Variants in COL21A1 observed in about 807,000 individuals in gnomAD.
COL21A1 encodes collagen alpha-1(XXI) chain.
In COL21A1, 149 loss-of-function variants were observed where a neutral mutation model predicts 137.9. The ratio of observed to expected loss-of-function variants is 1.08; its 90% CI spans 0.95 to 1.24. The LOEUF is 1.24. COL21A1 is among the 50% of genes most tolerant of loss of function. The pLI is 0.00. For missense variants in COL21A1, 1,167 were observed against 1,158.4 expected, an observed-to-expected ratio of 1.01 and a Z score of -0.11; for synonymous variants, 456 against 391.5, an observed-to-expected ratio of 1.16 and a Z score of -1.95.
chr6:56,278,182 T>A (rs1406420881), intron 1 of COL21A1, among the ~76,000 whole-genome samples: 1 of 152,018 alleles, frequency 6.6e-6, no homozygotes, highest in East Asian at 1.9e-4. Context: ...CCATAAGAAT[T>A]CTTACCACCA....
chr6:56,377,879 C>G (rs927368411), intron 1 of COL21A1, among the ~76,000 whole-genome samples: 1 of 152,146 alleles, frequency 6.6e-6, no homozygotes, highest in African/African-American at 2.4e-5. Flanking sequence ...CTGGATACCG[C>G]CAGCCACAGC....
rs188978914 is a variant in COL21A1, at chr6:56,294,227, G to A, written c.-39+99744C>T. Among the ~76,000 whole-genome samples, 535 of 152,158 alleles carry A rather than the reference G, an allele frequency of 3.5e-3. 14 individuals carry two copies. The highest frequency in any genetic ancestry group is 0.03 in the Admixed American group (453 of 15,282). ...TAAGTAGCAAATCTCTACTGCCTTT[G>A]TGAATTTATTGCATTGTGTGAGGGC... On this transcript the variant is annotated intron_variant, in intron 1 of 28. Transcript: ENST00000370819.
intron 17 of COL21A1, among the ~76,000 whole-genome samples, chr6:56,098,540 A>T (rs371274247): frequency 9.6e-4 from 9 of 9,348 alleles, no homozygotes; most frequent in African/African-American, 4.7e-3. Flanking sequence ...TATATATATA[A>T]ATATATAAAT....
chr6:56,180,230 C>T (rs1777795728), intron 2 of COL21A1, 101 bp from the exon 3 acceptor site: 1 of 871,306 alleles, frequency 1.1e-6, no homozygotes, highest in Admixed American at 3.1e-5. Flanking sequence ...AATATCATTG[C>T]TTATTTTAAA....
chr6:56,226,651 T>C (rs1386266257), intron 1 of COL21A1, among the ~76,000 whole-genome samples: 1 of 152,014 alleles, frequency 6.6e-6, no homozygotes, highest in East Asian at 1.9e-4. Context: ...TTTCCTAACT[T>C]AATTTATCTT....
intron 1 of COL21A1, among the ~76,000 whole-genome samples, chr6:56,298,228 T>G (rs55844837): frequency 0.083 from 12,548 of 152,068 alleles, 570 homozygotes; most frequent in Middle Eastern, 0.14. Context: ...AGAGGTGATG[T>G]TGACTAGAAT....
chr6:56,327,177 T>C (rs1273228579), intron 1 of COL21A1, among the ~76,000 whole-genome samples: 1 of 151,944 alleles, frequency 6.6e-6, no homozygotes, highest in Non-Finnish European at 1.5e-5. Context: ...ATTTTTTAAA[T>C]TCAACAACTT....
intron 20 of COL21A1, 114 bp downstream of exon 20, chr6:56,074,118 A>G: frequency 1.5e-6 from 1 of 666,862 alleles, no homozygotes; most frequent in Non-Finnish European, 2.4e-6. Flanking sequence ...TTTTTCATAG[A>G]ATAAAAACCA....
intron 1 of COL21A1, among the ~76,000 whole-genome samples, chr6:56,353,780 AC>A (rs1450366503): frequency 3.3e-5 from 5 of 152,200 alleles, no homozygotes; most frequent in African/African-American, 1.2e-4. Flanking sequence ...AAAAACAAAA[AC>A]AAAAAGGACA....
intron 7 of COL21A1, 99 bp from the exon 8 acceptor site, chr6:56,164,921 T>C (rs563439442): frequency 4.1e-6 from 4 of 976,040 alleles, no homozygotes; most frequent in Non-Finnish European, 5.9e-6. Flanking sequence ...ATTAGAGATA[T>C]ATGAAGTATG....
intron 1 of COL21A1, among the ~76,000 whole-genome samples, chr6:56,206,919 C>A (rs912139685): frequency 1.3e-5 from 2 of 151,784 alleles, no homozygotes; most frequent in African/African-American, 4.8e-5. Flanking sequence ...GGAAACTGAA[C>A]AACCTACTCC....
At chr6:56,330,114 T>C (rs1271615859) in intron 1 of COL21A1, among the ~76,000 whole-genome samples, 2 of 152,124 alleles carry the variant, frequency 1.3e-5, no homozygotes, top group African/African-American at 4.8e-5. Context: ...ACATTGATTT[T>C]CTTTGAATAT....
At chr6:56,250,329 C>T (rs1030545939), upstream of COL21A1, among the ~76,000 whole-genome samples, 1 of 152,124 alleles carries the variant, frequency 6.6e-6, no homozygotes, top group African/African-American at 2.4e-5. Context: ...TCACCTGAAC[C>T]CTTTAAAGCA....
rs760877170 is a variant in COL21A1 at position 56,310,623 on chromosome 6, ATC to A, written c.-39+83346_-39+83347del. 9.1e-4 allele frequency among the ~76,000 whole-genome samples: 138 copies of A among 152,256 alleles called. No homozygotes were observed. In the Middle Eastern group the frequency reaches 0.01, roughly 11 times the overall value. On this transcript the variant is annotated intron_variant, in intron 1 of 28. Coordinates refer to the COL21A1 transcript ENST00000370819. The stretch of plus-strand genomic sequence containing the variant: ...TTTAAATGAGGTATTCTGATATTAA[ATC>A]TCTTTTTATTTTTATAAAAATTACT...
intron 1 of COL21A1, among the ~76,000 whole-genome samples, chr6:56,271,498 A>C (rs80099938): frequency 0.01 from 1,546 of 152,336 alleles, 31 homozygotes; most frequent in African/African-American, 0.035. Flanking sequence ...GCAGAGCATA[A>C]AGATTTGGAA....
At chr6:56,070,540 A>C (rs1766651015) in intron 21 of COL21A1, among the ~76,000 whole-genome samples, 1 of 151,596 alleles carries the variant, frequency 6.6e-6, no homozygotes, top group African/African-American at 2.4e-5. Context: ...CAAAGTTTAT[A>C]TCTTTATTAT....
At chr6:56,360,119 A>G (rs1203075412) in intron 1 of COL21A1, among the ~76,000 whole-genome samples, 1 of 152,230 alleles carries the variant, frequency 6.6e-6, no homozygotes, top group African/African-American at 2.4e-5. Context: ...CCTTGAAGAT[A>G]CAATGGTGAT....
chr6:56,182,559 C>T lies in COL21A1; in HGVS notation c.60G>A (p.Val20=), dbSNP rs745346951. 1 of 1,605,054 alleles carries T rather than the reference C, an allele frequency of 6.2e-7. No homozygotes were observed. Among genetic ancestry groups the T allele is most frequent in the Non-Finnish European group, 8.5e-7 (1 of 1,174,748 alleles). Residue 20 remains valine (V), a synonymous_variant, in exon 2 of 30, where the codon GTG becomes GTA. Coordinates refer to ENST00000244728, the MANE Select transcript of COL21A1 (RefSeq NM_030820.4). ...ATCTTACTTCCCCATCTTCAGCTAA[C>T]ACAGAATTCTGAAGAAGCAGCACCA... The part of the protein sequence containing the change: ...MVLVLLLQNS[V]LAEDGEVRSS...
intron 10 of COL21A1, among the ~76,000 whole-genome samples, chr6:56,155,865 A>T (rs1775703754): frequency 6.6e-6 from 1 of 152,170 alleles, no homozygotes; most frequent in Non-Finnish European, 1.5e-5. Context: ...AGCCTTGTGA[A>T]TTGCTGGGAT....
Sources: allele counts gnomAD v4.1 joint callset (sites outside exome capture counted in the v4.1 genomes callset), GRCh38; gene constraint gnomAD v4.1.1; transcripts MANE v1.5; gene names NCBI Gene and HGNC (gene_info 2026-07-23, HGNC 2026-07-21).